Variants in MACROD2 observed in about 807,000 individuals in gnomAD.
MACROD2 encodes the protein mono-ADP ribosylhydrolase 2.
Under a neutral mutation model 70.4 loss-of-function variants are expected in MACROD2, and 36 were observed. The observed-to-expected ratio is 0.51, with a 90% CI of 0.39 to 0.68. The LOEUF (loss-of-function observed/expected upper bound fraction) is 0.68. Ranked by LOEUF, MACROD2 falls within the 30% of genes least tolerant of loss-of-function variation. The pLI, the probability that MACROD2 is intolerant of heterozygous loss-of-function variation, is 0.00. For missense variants in MACROD2, 496 were observed against 538.4 expected (o/e 0.92, Z 0.78); for synonymous variants, 172 against 178.8 (o/e 0.96, Z 0.30).
intron 8 of MACROD2, among the ~76,000 whole-genome samples, chr20:15,615,212 C>G (rs1050978699): frequency 5.9e-5 from 9 of 152,158 alleles, no homozygotes; most frequent in Non-Finnish European, 1.2e-4. Flanking sequence ...GATGGAAGAG[C>G]TTTTGAAGAA....
intron 5 of MACROD2, among the ~76,000 whole-genome samples, chr20:14,765,644 G>T (rs1004658646): frequency 1.3e-5 from 2 of 152,002 alleles, no homozygotes; most frequent in African/African-American, 2.4e-5. Context: ...GGACCCTAGG[G>T]ATCACTGGGT....
chr20:15,172,407 T>C (rs1186804827), intron 5 of MACROD2, among the ~76,000 whole-genome samples: 1 of 152,206 alleles, frequency 6.6e-6, no homozygotes, highest in African/African-American at 2.4e-5. Flanking sequence ...TCCTTCTCTT[T>C]CCTTTTTTAT....
At chr20:15,887,991 C>T (rs373061123) in intron 10 of MACROD2, among the ~76,000 whole-genome samples, 4 of 152,202 alleles carry the variant, frequency 2.6e-5, no homozygotes, top group East Asian at 1.9e-4. Context: ...TGGAGGTCCC[C>T]GATAGAACTG....
chr20:14,886,666 CAGGAACCAT>C (rs1391658046), intron 5 of MACROD2, among the ~76,000 whole-genome samples: 1 of 152,116 alleles, frequency 6.6e-6, no homozygotes, highest in Non-Finnish European at 1.5e-5. Flanking sequence ...GCCCAATGTC[CAGGAACCAT>C]AGGGTATCAA....
At chr20:15,856,886 C>G (rs1048181570) in intron 8 of MACROD2, among the ~76,000 whole-genome samples, 1 of 152,086 alleles carries the variant, frequency 6.6e-6, no homozygotes, top group African/African-American at 2.4e-5. Flanking sequence ...GGAAGTTAAC[C>G]AAGAAGATGG....
At chr20:14,255,083 T>A (rs1056023036) in intron 3 of MACROD2, among the ~76,000 whole-genome samples, 1 of 152,206 alleles carries the variant, frequency 6.6e-6, no homozygotes, top group Non-Finnish European at 1.5e-5. Context: ...TGTTCTGGCT[T>A]GTAGAGTTTC....
chr20:14,265,863 G>A (rs1025081745), intron 3 of MACROD2, among the ~76,000 whole-genome samples: 9 of 145,942 alleles, frequency 6.2e-5, no homozygotes, highest in Admixed American at 2.8e-4. Context: ...TGCAAGCTCC[G>A]CCTTCCGGGT....
At chr20:14,502,137 G>A (rs1380497405) in intron 4 of MACROD2, among the ~76,000 whole-genome samples, 7 of 152,202 alleles carry the variant, frequency 4.6e-5, no homozygotes, top group Non-Finnish European at 1.0e-4. Context: ...GGTCAAGCCT[G>A]TTATGTTTTG....
At chr20:14,710,770 T>C (rs1207410813) in intron 5 of MACROD2, among the ~76,000 whole-genome samples, 2 of 152,222 alleles carry the variant, frequency 1.3e-5, no homozygotes, top group Non-Finnish European at 2.9e-5. Context: ...TACTCACTCA[T>C]TAATTCTTAC....
chr20:14,161,167 G>C (rs1330078143), intron 3 of MACROD2, among the ~76,000 whole-genome samples: 1 of 150,690 alleles, frequency 6.6e-6, no homozygotes, highest in Non-Finnish European at 1.5e-5. Context: ...CAAAGGACAT[G>C]ATTTCATTCT....
At position 14,930,124 on chromosome 20, in the gene MACROD2, T is replaced by TGCACTCCA. The variant is rs2074279933; in HGVS notation, c.418+245168_418+245175dup. ...TTGCAGTGAGCCGAGATTGCGCCAC[T>TGCACTCCA]GCACTCCAGCCTGGGTGAGAGAGTG... On this transcript the variant is annotated intron_variant, in intron 5 of 17. Coordinates refer to ENST00000684519, the MANE Select transcript of MACROD2 (RefSeq NM_001351661.2). Among the ~76,000 whole-genome samples the TGCACTCCA allele has an allele frequency of 3.7e-5, 5 of 135,450 alleles. No homozygotes were observed. In the South Asian group the frequency reaches 1.3e-3, roughly 34 times the overall value. The allele number at this position is 135,450 out of a possible 152,430, so 88.9% of individuals were successfully genotyped here. A position where few individuals can be genotyped will look rare whatever the true frequency, so the allele number is the denominator to read the frequency against.
chr20:15,119,851 C>T (rs916798042), intron 5 of MACROD2, among the ~76,000 whole-genome samples: 4 of 152,220 alleles, frequency 2.6e-5, no homozygotes, highest in African/African-American at 9.6e-5. Context: ...CTTGAGGTTT[C>T]TCACAGGTTG....
chr20:14,861,539 G>A (rs935555967), intron 5 of MACROD2, among the ~76,000 whole-genome samples: 29 of 151,948 alleles, frequency 1.9e-4, no homozygotes, highest in Admixed American at 1.8e-3. Context: ...CCAATTAGAA[G>A]CCAGACTATG....
At chr20:15,550,285 TTAAA>T (rs985496904) in intron 8 of MACROD2, among the ~76,000 whole-genome samples, 3 of 148,964 alleles carry the variant, frequency 2.0e-5, no homozygotes, top group Admixed American at 6.7e-5. Context: ...TAAGAAATAT[TTAAA>T]TAAATATTTA....
At chr20:15,093,036 G>A (rs767226887) in intron 5 of MACROD2, among the ~76,000 whole-genome samples, 12 of 152,102 alleles carry the variant, frequency 7.9e-5, no homozygotes, top group Non-Finnish European at 1.6e-4. Context: ...ACTTACATGT[G>A]CAATACTAAG....
intron 4 of MACROD2, among the ~76,000 whole-genome samples, chr20:14,540,095 A>T (rs1217893789): frequency 1.3e-5 from 2 of 152,226 alleles, no homozygotes; most frequent in Non-Finnish European, 2.9e-5. Flanking sequence ...TAAAGACATT[A>T]TGGCAATGTC....
chr20:14,566,853 TAGGAA>T (rs1432683157), intron 4 of MACROD2: 4 of 151,884 alleles, frequency 2.6e-5, no homozygotes, highest in Non-Finnish European at 5.9e-5. Context: ...CTTAGGAACA[TAGGAA>T]TTCTAATAGT....
At chr20:14,693,309 C>T (rs982357941) in intron 5 of MACROD2, among the ~76,000 whole-genome samples, 2 of 152,162 alleles carry the variant, frequency 1.3e-5, no homozygotes, top group South Asian at 2.1e-4. Context: ...GAGGTGTTCT[C>T]ATAAATTAAA....
At chr20:14,099,596 G>A (rs960767392) in intron 3 of MACROD2, among the ~76,000 whole-genome samples, 2 of 152,094 alleles carry the variant, frequency 1.3e-5, no homozygotes, top group African/African-American at 4.8e-5. Context: ...GCGGCCTTAA[G>A]TAGTTTCTAG....
Sources: allele counts gnomAD v4.1 joint callset (sites outside exome capture counted in the v4.1 genomes callset), GRCh38; gene constraint gnomAD v4.1.1; transcripts MANE v1.5; gene names NCBI Gene and HGNC (gene_info 2026-07-23, HGNC 2026-07-21).